Variants in RELN observed in about 807,000 individuals in gnomAD.
The protein encoded by RELN is reelin.
RELN carries 108 observed loss-of-function variants against 427.6 expected under a neutral mutation model. The ratio of observed to expected loss-of-function variants is 0.25; its 90% confidence interval spans 0.22 to 0.30. RELN has a LOEUF of 0.30. Ranked by LOEUF, RELN falls within the 10% of genes least tolerant of loss-of-function variation. The pLI is 1.00. For synonymous variants in RELN, 1,524 were observed against 1,513.4 expected (o/e 1.01, Z -0.16); for missense variants, 3,715 against 4,302.8 (o/e 0.86, Z 3.82).
chr7:103,480,335 A>G (rs996079), intron 63 of RELN, among the ~76,000 whole-genome samples: 4,895 of 152,152 alleles, frequency 0.032, 105 homozygotes, highest in African/African-American at 0.066. Flanking sequence ...ATTGAAGGAC[A>G]CTCTGGAAAA....
chr7:103,941,325 T>G (rs145081172), intron 1 of RELN, among the ~76,000 whole-genome samples: 1 of 152,204 alleles, frequency 6.6e-6, no homozygotes, highest in Non-Finnish European at 1.5e-5. Context: ...GTAAGTGAAC[T>G]TATTAAGACA....
chr7:103,498,805 ACTT>A (rs371541097), intron 53 of RELN, among the ~76,000 whole-genome samples: 3 of 139,314 alleles, frequency 2.2e-5, no homozygotes, highest in Admixed American at 7.0e-5. Flanking sequence ...TTATAGTAAC[ACTT>A]CTATTTGTAA....
chr7:103,784,118 G>A (rs868665469), intron 3 of RELN, among the ~76,000 whole-genome samples: 225 of 152,124 alleles, frequency 1.5e-3, no homozygotes, highest in African/African-American at 4.8e-3. Flanking sequence ...AGAATGGCTC[G>A]TCTAGTAAAA....
intron 41 of RELN, among the ~76,000 whole-genome samples, chr7:103,546,997 T>G (rs1830311791): frequency 6.6e-6 from 1 of 152,222 alleles, no homozygotes; most frequent in Non-Finnish European, 1.5e-5. Context: ...ATCTACATAT[T>G]TAGGTAGCTG....
intron 2 of RELN, among the ~76,000 whole-genome samples, chr7:103,875,765 G>C (rs7784979): frequency 0.14 from 21,819 of 151,982 alleles, 1,878 homozygotes; most frequent in East Asian, 0.34. Flanking sequence ...CCCTGAATCT[G>C]TCTTTCATAA....
intron 61 of RELN, chr7:103,484,425 C>T (rs772277430): frequency 5.6e-5 from 9 of 159,552 alleles, no homozygotes; most frequent in South Asian, 3.8e-4. Flanking sequence ...TTGGGAGGGA[C>T]GCACATGGAG....
chr7:103,500,907 C>G lies in RELN; in HGVS notation c.8505G>C (p.Arg2835Ser). The change falls in exon 53 of 65, where the codon AGG becomes AGC. Residue 2835 changes from arginine (R) to serine (S), a missense_variant. Coordinates refer to ENST00000428762, the MANE Select transcript of RELN (RefSeq NM_005045.4). Reference sequence around the variant, plus strand: ...GCATGTCTGAGTACTTCTGATAGAACCTAAACCTTACCGGACTATTGACAA... The same window carrying G: ...GCATGTCTGAGTACTTCTGATAGAAGCTAAACCTTACCGGACTATTGACAA... ...ESLVGNPVRF[R>S]FYQKYSDMQW... The G allele has an allele frequency of 6.2e-7, 1 of 1,614,032 alleles. No individual in the cohort carries two copies.
chr7:103,876,246 T>C (rs902745472), intron 2 of RELN, among the ~76,000 whole-genome samples: 1 of 152,188 alleles, frequency 6.6e-6, no homozygotes, highest in Non-Finnish European at 1.5e-5. Context: ...GTATCTTTTT[T>C]ACCCCTGCAA....
rs1277733317 is a variant in RELN at position 103,490,829 on chromosome 7, T to C, written c.9444A>G (p.Arg3148=). ...TCTGTACGAGCTGCCAGGAATCCGA[T>C]CTGCAGAAACCAAAAGGCTTTGTTA... ...SVMLEYTKDA[R]SDSWQLVQTQ... is the part of the protein sequence containing the mutation. Residue 3148 remains arginine (R), a splice_region_variant and synonymous_variant, in exon 59 of 65, where the codon AGA becomes AGG. Coordinates refer to ENST00000428762, the MANE Select transcript of RELN (RefSeq NM_005045.4). 1.9e-6 allele frequency: 3 copies of C among 1,614,172 alleles called. No homozygotes were observed. The highest frequency in any genetic ancestry group is 1.3e-5 in the African/African-American group (1 of 75,038).
chr7:103,728,354 G>A (rs560841819), intron 6 of RELN, 147 bp from the exon 7 acceptor site: 2 of 762,456 alleles, frequency 2.6e-6, no homozygotes, highest in Admixed American at 2.0e-5. Context: ...TCATGATAAG[G>A]TTAAGAAGAC....
At chr7:103,500,501 G>A (rs1584237533) in intron 53 of RELN, among the ~76,000 whole-genome samples, 3 of 152,056 alleles carry the variant, frequency 2.0e-5, no homozygotes, top group Middle Eastern at 3.4e-3. Flanking sequence ...GAAACCCAGA[G>A]TATTTATCAT....
intron 4 of RELN, among the ~76,000 whole-genome samples, chr7:103,761,619 AT>A (rs1391233663): frequency 1.3e-5 from 2 of 148,614 alleles, no homozygotes; most frequent in Non-Finnish European, 1.5e-5. Context: ...AGACCAGTAA[AT>A]TTTTTTTTGG....
At chr7:103,583,789 G>A (rs142332197) in intron 28 of RELN, among the ~76,000 whole-genome samples, 37 of 152,320 alleles carry the variant, frequency 2.4e-4, no homozygotes, top group African/African-American at 2.9e-4. Context: ...GGGAAAGAGC[G>A]TCAGCAGTCC....
chr7:103,635,362 T>C, intron 19 of RELN, 63 bp downstream of exon 19: 1 of 1,551,518 alleles, frequency 6.4e-7, no homozygotes, highest in Non-Finnish European at 8.9e-7. Context: ...ACCATTTGAA[T>C]TATGATTTCC....
intron 11 of RELN, among the ~76,000 whole-genome samples, chr7:103,672,108 C>G (rs555497535): frequency 6.6e-6 from 1 of 152,062 alleles, no homozygotes; most frequent in South Asian, 2.1e-4. Context: ...CCGAAGAGCT[C>G]TAAAGAAATT....
At chr7:103,708,557 G>A (rs535254034) in intron 8 of RELN, among the ~76,000 whole-genome samples, 11 of 144,504 alleles carry the variant, frequency 7.6e-5, no homozygotes, top group South Asian at 2.1e-4. Flanking sequence ...TCCGCCTCCC[G>A]GGTTCATGCC....
At chr7:103,900,584 T>C (rs990213168) in intron 2 of RELN, among the ~76,000 whole-genome samples, 2 of 152,180 alleles carry the variant, frequency 1.3e-5, no homozygotes, top group African/African-American at 4.8e-5. Flanking sequence ...AACATGGTAC[T>C]GGTACCAAAA....
At chr7:103,839,919 G>A (rs920958862) in intron 2 of RELN, among the ~76,000 whole-genome samples, 2 of 152,298 alleles carry the variant, frequency 1.3e-5, no homozygotes, top group African/African-American at 4.8e-5. Flanking sequence ...GGTGGGAGGT[G>A]ACTGTATCAT....
chr7:103,814,329 A>T (rs2116349484), intron 3 of RELN, among the ~76,000 whole-genome samples: 1 of 152,330 alleles, frequency 6.6e-6, no homozygotes, highest in East Asian at 1.9e-4. Flanking sequence ...ATGACAGATG[A>T]AAGACGGATC....
Sources: gnomAD v4.1 joint callset for allele counts (sites outside exome capture counted in the v4.1 genomes callset) on GRCh38, gnomAD v4.1.1 for gene constraint, MANE v1.5 for transcripts, NCBI Gene and HGNC (gene_info 2026-07-23, HGNC 2026-07-21) for gene names.